The following SHISA6 variants were observed in gnomAD, a reference collection of about 807,000 sequenced individuals.
The protein encoded by SHISA6 is shisa family member 6, also known as protein shisa-6.
SHISA6 carries 22 observed loss-of-function variants against 47.9 expected under a neutral mutation model. The ratio of observed to expected loss-of-function variants is 0.46; its 90% confidence interval spans 0.33 to 0.66. SHISA6 has a LOEUF of 0.66. SHISA6 is among the 30% of genes least tolerant of loss of function. The pLI is 0.02. For missense variants in SHISA6, 680 were observed against 764.6 expected (o/e 0.89, Z 1.30); for synonymous variants, 388 against 337.8 (o/e 1.15, Z -1.63).
intron 3 of SHISA6, among the ~76,000 whole-genome samples, chr17:11,446,078 G>A (rs964896112): frequency 3.3e-5 from 5 of 152,094 alleles, no homozygotes; most frequent in African/African-American, 4.8e-5. Context: ...CGCCCGCCTC[G>A]GCCTCCCAAA....
intron 3 of SHISA6, among the ~76,000 whole-genome samples, chr17:11,491,781 T>TTTTG (rs1916491702): frequency 6.7e-6 from 1 of 150,214 alleles, no homozygotes; most frequent in African/African-American, 2.5e-5. Flanking sequence ...TTTTTTTTTT[T>TTTTG]TTTTTTTTGA....
chr17:11,479,577 T>A (rs183108718), intron 3 of SHISA6, among the ~76,000 whole-genome samples: 6 of 151,714 alleles, frequency 4.0e-5, no homozygotes, highest in African/African-American at 1.5e-4. Context: ...TGTATACTTA[T>A]GTAACAAACC....
intron 2 of SHISA6, among the ~76,000 whole-genome samples, chr17:11,363,743 C>G (rs1912361092): frequency 6.6e-6 from 1 of 152,220 alleles, no homozygotes; most frequent in African/African-American, 2.4e-5. Flanking sequence ...CTCCATAAGA[C>G]ACGCCCACCA....
chr17:11,325,669 A>T (rs1410245591), intron 2 of SHISA6, among the ~76,000 whole-genome samples: 2 of 151,276 alleles, frequency 1.3e-5, no homozygotes, highest in Non-Finnish European at 2.9e-5. Flanking sequence ...AGAGAAGCAA[A>T]ATAATTGCAG....
chr17:11,462,278 A>G (rs531065937), intron 3 of SHISA6, among the ~76,000 whole-genome samples: 1 of 152,302 alleles, frequency 6.6e-6, no homozygotes, highest in African/African-American at 2.4e-5. Flanking sequence ...TCAGGATGCC[A>G]TGCATTCTAA....
chr17:11,242,464 C>T (rs577467368), intron 1 of SHISA6, among the ~76,000 whole-genome samples: 3 of 152,224 alleles, frequency 2.0e-5, no homozygotes, highest in Admixed American at 1.3e-4. Flanking sequence ...AGGAAACTGA[C>T]CAATGTTGGA....
intron 3 of SHISA6, among the ~76,000 whole-genome samples, chr17:11,487,734 G>T (rs1316047764): frequency 1.3e-5 from 2 of 152,182 alleles, no homozygotes; most frequent in African/African-American, 4.8e-5. Context: ...TCTCCAGTCT[G>T]TCAATCTCTT....
At chr17:11,488,412 G>A (rs1380984754) in intron 3 of SHISA6, among the ~76,000 whole-genome samples, 1 of 152,138 alleles carries the variant, frequency 6.6e-6, no homozygotes, top group Non-Finnish European at 1.5e-5. Flanking sequence ...TCTTGGCCAG[G>A]CTTTTTGCTG....
intron 2 of SHISA6, among the ~76,000 whole-genome samples, chr17:11,337,088 G>A (rs1259964507): frequency 6.6e-6 from 1 of 152,086 alleles, no homozygotes; most frequent in Non-Finnish European, 1.5e-5. Context: ...ATCTTCCTTA[G>A]GACCCCAGAA....
rs1407096603 is a variant in SHISA6 at position 11,527,487 on chromosome 17, A to AATAT, written c.896-24408_896-24407insTATA. Reference sequence around the variant, plus strand: ...GATGTGTATGCCTTTCCAGCCATATAAGGATGAGAAGGATAATCATTCTTT... The same window carrying AATAT: ...GATGTGTATGCCTTTCCAGCCATATAATATAGGATGAGAAGGATAATCATTCTTT... On this transcript the variant is annotated intron_variant, in intron 3 of 5. Transcript: ENST00000441885. 2.6e-5 allele frequency among the ~76,000 whole-genome samples: 4 copies of AATAT among 152,288 alleles called. No individual in the cohort carries two copies. In the South Asian group the frequency reaches 8.3e-4, roughly 32 times the overall value.
intron 3 of SHISA6, among the ~76,000 whole-genome samples, chr17:11,549,337 G>C (rs529327440): frequency 4.6e-5 from 7 of 152,194 alleles, no homozygotes; most frequent in African/African-American, 1.7e-4. Context: ...AAAATCCGCT[G>C]TTAATGAAAC....
chr17:11,262,497 T>C (rs2142145709), intron 1 of SHISA6, among the ~76,000 whole-genome samples: 1 of 152,352 alleles, frequency 6.6e-6, no homozygotes, highest in Admixed American at 6.5e-5. Context: ...GGCATCCTGT[T>C]TGAAAGCAAA....
At chr17:11,336,045 A>C (rs1278743278) in intron 2 of SHISA6, among the ~76,000 whole-genome samples, 1 of 151,400 alleles carries the variant, frequency 6.6e-6, no homozygotes, top group Non-Finnish European at 1.5e-5. Context: ...CTTAAAAAAA[A>C]AAAAAATCCA....
chr17:11,295,745 T>C (rs1909729357), intron 2 of SHISA6, among the ~76,000 whole-genome samples: 1 of 151,948 alleles, frequency 6.6e-6, no homozygotes, highest in Admixed American at 6.6e-5. Context: ...AGGCAGGTCA[T>C]GAGGTCAGGA....
At chr17:11,525,661 A>AAAAG (rs2071672459) in intron 3 of SHISA6, among the ~76,000 whole-genome samples, 1 of 147,444 alleles carries the variant, frequency 6.8e-6, no homozygotes, top group Non-Finnish European at 1.5e-5. Context: ...ACAAAAAAAA[A>AAAAG]AAAACGTGTT....
At chr17:11,541,873 C>G (rs75849458) in intron 3 of SHISA6, among the ~76,000 whole-genome samples, 2,315 of 152,208 alleles carry the variant, frequency 0.015, 64 homozygotes, top group African/African-American at 0.052. Context: ...GAGACTGTGC[C>G]CAGAACTCCA....
chr17:11,561,659 T>G lies in SHISA6; in HGVS notation c.*3355T>G, dbSNP rs535577505. The G allele has an allele frequency of 6.6e-6, 1 of 152,302 alleles. No individual in the cohort carries two copies. The highest frequency in any genetic ancestry group is 1.9e-4 in the East Asian group (1 of 5,174). The allele number at this position is 152,302 out of a possible 1,614,324, so 9.4% of individuals were successfully genotyped here. A position where few individuals can be genotyped will look rare whatever the true frequency, so the allele number is the denominator to read the frequency against. ...TCCTGATTTCCAGAAAACCTCAGAT[T>G]TCCAGGCCAGGTCACTCATTCCTTC... On this transcript the variant is annotated 3_prime_UTR_variant, in exon 6 of 6. Coordinates refer to ENST00000441885, the MANE Select transcript of SHISA6 (RefSeq NM_207386.4).
chr17:11,403,187 C>G (rs1053693750), intron 3 of SHISA6, among the ~76,000 whole-genome samples: 3 of 152,190 alleles, frequency 2.0e-5, no homozygotes, highest in African/African-American at 7.2e-5. Flanking sequence ...AGAATCCTTT[C>G]CAATAAATGT....
intron 3 of SHISA6, among the ~76,000 whole-genome samples, chr17:11,395,102 C>G (rs1913524686): frequency 6.8e-6 from 1 of 147,854 alleles, no homozygotes; most frequent in East Asian, 2.0e-4. Flanking sequence ...CCTGGATTCA[C>G]ACGATGGCCC....
Sources: gnomAD v4.1 joint callset for allele counts (sites outside exome capture counted in the v4.1 genomes callset) on GRCh38, gnomAD v4.1.1 for gene constraint, MANE v1.5 for transcripts, NCBI Gene and HGNC (gene_info 2026-07-23, HGNC 2026-07-21) for gene names.